ERCC3: variants seen among roughly 807,000 people sequenced by gnomAD.
The protein encoded by ERCC3 is general transcription and DNA repair factor IIH helicase/translocase subunit XPB.
ERCC3 carries 66 observed loss-of-function variants against 94.2 expected under a neutral mutation model. The observed-to-expected ratio is 0.70, with a 90% confidence interval of 0.57 to 0.86. The LOEUF is 0.86. Ranked by LOEUF, ERCC3 falls within the 40% of genes least tolerant of loss-of-function variation. The pLI is 0.00. For missense variants in ERCC3, 829 were observed against 987.1 expected (o/e 0.84, Z 2.15); for synonymous variants, 349 against 369.1 (o/e 0.95, Z 0.63).
In ERCC3 at chr2:127,274,467, C is replaced by T. The variant is rs547366624; in HGVS notation, c.1731-1506G>A. ...AGCAGGTGGAACCTGGGAGTGGCTG[C>T]TCCACTGCCGAGGCCCGTTAGCACC... On this transcript the variant is annotated intron_variant, in intron 10 of 14. Coordinates refer to ENST00000285398, the MANE Select transcript of ERCC3 (RefSeq NM_000122.2). The surrounding 1 kb of genome is among the most constrained non-coding windows in gnomAD (Gnocchi z 4.0). Among the ~76,000 whole-genome samples the T allele has an allele frequency of 1.3e-5, 2 of 152,356 alleles. No individual in the cohort carries two copies. Among genetic ancestry groups the T allele is most frequent in the South Asian group, 2.1e-4 (1 of 4,828 alleles).
intron 8 of ERCC3, among the ~76,000 whole-genome samples, chr2:127,286,059 G>A (rs1685055053): frequency 6.6e-6 from 1 of 152,054 alleles, no homozygotes; most frequent in Non-Finnish European, 1.5e-5. Context: ...AATATTCCGG[G>A]CTTCAAATAA....
rs1444108822 is a variant in ERCC3, at chr2:127,258,806, C to T, written c.2217+490G>A. Among the ~76,000 whole-genome samples, 2 of 152,220 alleles carry T rather than the reference C, an allele frequency of 1.3e-5. No individual in the cohort carries two copies. The highest frequency in any genetic ancestry group is 4.8e-5 in the African/African-American group (2 of 41,456). On this transcript the variant is annotated intron_variant, in intron 14 of 14. Transcript: ENST00000285398. This position sits in a 1 kb window ranked among gnomAD's most constrained non-coding sequence, Gnocchi z 4.1. ...GGTTGAGTATTTTCACAGAACTCTA[C>T]ATTTTTCAAAGTTAAGTATCGAAGC... is the stretch of plus-strand genomic sequence containing the variant.
chr2:127,270,790 C>G (rs753756441), intron 12 of ERCC3, among the ~76,000 whole-genome samples: 1 of 152,166 alleles, frequency 6.6e-6, no homozygotes, highest in Non-Finnish European at 1.5e-5. Flanking sequence ...AGGGGTGCCA[C>G]GCCTCCTCAG....
intron 10 of ERCC3, among the ~76,000 whole-genome samples, chr2:127,278,175 C>T (rs955849517): frequency 6.6e-6 from 1 of 151,202 alleles, no homozygotes; most frequent in Non-Finnish European, 1.5e-5. Context: ...GGGGTCAAGG[C>T]TGCCGTGAGC....
Position 127,280,424 on chromosome 2 carries a change from G to GC in ERCC3, c.1527+22dup, listed in dbSNP as rs35886552. 6.2e-7 allele frequency: 1 copy of GC among 1,600,638 alleles called. No individual in the cohort carries two copies. Among genetic ancestry groups the GC allele is most frequent in the Admixed American group, 1.7e-5 (1 of 58,352 alleles). On this transcript the variant is annotated intron_variant, in intron 9 of 14. Transcript: ENST00000285398. This position sits in a 1 kb window ranked among gnomAD's most constrained non-coding sequence, Gnocchi z 6.3. The stretch of plus-strand genomic sequence containing the variant: ...CATAGGAGGAGGCCCTTTCCCAGAC[G>GC]CCCCCAGCCCAGGCCCAGCTACCTC...
intron 13 of ERCC3, chr2:127,260,531 G>C (rs1684159579): frequency 6.6e-6 from 1 of 152,610 alleles, no homozygotes; most frequent in Admixed American, 6.5e-5. Flanking sequence ...AGACAACCCT[G>C]TCCTCCTAAG....
chr2:127,287,315 ATTG>A (rs1685108145), intron 7 of ERCC3, among the ~76,000 whole-genome samples: 1 of 152,104 alleles, frequency 6.6e-6, no homozygotes, highest in Admixed American at 6.5e-5. Flanking sequence ...AATGCCTGTT[ATTG>A]TTATTTTAAA....
intron 8 of ERCC3, among the ~76,000 whole-genome samples, chr2:127,285,773 C>T (rs1685045050): frequency 6.6e-6 from 1 of 151,924 alleles, no homozygotes; most frequent in Non-Finnish European, 1.5e-5. Context: ...ATCAGTTGAA[C>T]CCTAGAGGCG....
chr2:127,260,971 G>C (rs60696450), intron 13 of ERCC3: 1 of 491,424 alleles, frequency 2.0e-6, no homozygotes, highest in Non-Finnish European at 3.7e-6. Flanking sequence ...GCATCCCTGA[G>C]AAAGCAGCCC....
In ERCC3 at chr2:127,280,402, A is replaced by G; in HGVS notation, c.1527+45T>C. 1 of 1,554,888 alleles carries G rather than the reference A, an allele frequency of 6.4e-7. No individual in the cohort carries two copies. Among genetic ancestry groups the G allele is most frequent in the Non-Finnish European group, 8.8e-7 (1 of 1,137,524 alleles). ...TCGATCTGATCACTCCCCTGCCCAT[A>G]GGAGGAGGCCCTTTCCCAGACGCCC... On this transcript the variant is annotated intron_variant, in intron 9 of 14. Transcript: ENST00000285398. The surrounding 1 kb of genome is among the most constrained non-coding windows in gnomAD (Gnocchi z 6.3).
Position 127,291,541 on chromosome 2 carries a change from G to A in ERCC3, c.471+1069C>T. On this transcript the variant is annotated intron_variant, in intron 3 of 14. Coordinates refer to ENST00000285398, the MANE Select transcript of ERCC3 (RefSeq NM_000122.2). This position sits in a 1 kb window ranked among gnomAD's most constrained non-coding sequence, Gnocchi z 4.9. ...CACCCAAAGTGCTGGGATTACAGGA[G>A]TGAGCCACTGCACCTGGCCGGGCAC... Among the ~76,000 whole-genome samples the A allele has an allele frequency of 6.6e-6, 1 of 152,092 alleles. No individual in the cohort carries two copies. Among genetic ancestry groups the A allele is most frequent in the East Asian group, 1.9e-4 (1 of 5,170 alleles).
In ERCC3 at chr2:127,259,404, A is replaced by G. The variant is rs1023249904; in HGVS notation, c.2109T>C (p.Phe703=). 1.2e-6 allele frequency: 2 copies of G among 1,614,158 alleles called. No homozygotes were observed. Among genetic ancestry groups the G allele is most frequent in the Non-Finnish European group, 1.7e-6 (2 of 1,180,032 alleles). ...LAGMEEEDLA[F]STKEEQQQLL... is the part of the protein sequence containing the mutation. ...GCTGCTGTTGCTCTTCTTTTGTCGA[A>G]AACGCCAAGTCTTCCTCCTCCATGC... Residue 703 remains phenylalanine (F), a synonymous_variant, in exon 14 of 15, where the codon TTT becomes TTC. Transcript: ENST00000285398. This position sits in a 1 kb window ranked among gnomAD's most constrained non-coding sequence, Gnocchi z 4.9.
chr2:127,258,759 C>T lies in ERCC3; in HGVS notation c.2217+537G>A, dbSNP rs1684099647. Among the ~76,000 whole-genome samples, 1 of 152,216 alleles carries T rather than the reference C, an allele frequency of 6.6e-6. No homozygotes were observed. Among genetic ancestry groups the T allele is most frequent in the Non-Finnish European group, 1.5e-5 (1 of 68,044 alleles). On this transcript the variant is annotated intron_variant, in intron 14 of 14. Coordinates refer to ENST00000285398, the MANE Select transcript of ERCC3 (RefSeq NM_000122.2). The surrounding 1 kb of genome is among the most constrained non-coding windows in gnomAD (Gnocchi z 4.1). ...ATATATTTACTTGGCCTAGAGCAGG[C>T]ATATTTGTAGAATAAATGAAAGGTT...
In ERCC3 at chr2:127,261,411, A is replaced by G. The variant is rs1216555549; in HGVS notation, c.1946-65T>C. 7 of 1,032,192 alleles carry G rather than the reference A, an allele frequency of 6.8e-6. No homozygotes were observed. The Admixed American group carries it at 1.2e-4, about 17-fold the overall frequency. 63.9% of individuals were successfully genotyped at this position (1,032,192 alleles called of 1,614,324 possible). On this transcript the variant is annotated intron_variant, in intron 12 of 14. Transcript: ENST00000285398. ...ATTAGCCATTAGAATGCCAAGAGCT[A>G]AGGGTCCCAGGCTCAAAAGCAAGCA...
Position 127,259,509 on chromosome 2 carries a change from C to T in ERCC3, c.2065-61G>A, listed in dbSNP as rs1271170873. ...GCTCTCTCTCCCCAGCCCTCCTCTG[C>T]CTTCTCCTGGGTCCACCTGCTTTGG... On this transcript the variant is annotated intron_variant, in intron 13 of 14. Coordinates refer to ENST00000285398, the MANE Select transcript of ERCC3 (RefSeq NM_000122.2). The surrounding 1 kb of genome is among the most constrained non-coding windows in gnomAD (Gnocchi z 4.9). 1.2e-6 allele frequency: 2 copies of T among 1,608,032 alleles called. No individual in the cohort carries two copies. The highest frequency in any genetic ancestry group is 1.3e-5 in the African/African-American group (1 of 74,902).
chr2:127,282,993 A>C (rs1684963406), intron 8 of ERCC3, among the ~76,000 whole-genome samples: 1 of 152,064 alleles, frequency 6.6e-6, no homozygotes, highest in South Asian at 2.1e-4. Flanking sequence ...GCTTCCAACC[A>C]AACTGCTACA....
intron 3 of ERCC3, chr2:127,292,053 T>A: frequency 5.3e-6 from 1 of 187,828 alleles, no homozygotes; most frequent in Admixed American, 5.3e-5. Context: ...AAGGCTCTTG[T>A]CTATGGACCA....
rs572759378 is a variant in ERCC3 at position 127,264,975 on chromosome 2, G to A, written c.1946-3629C>T. ...CAATTCTCCTGCCTCAGCCTTCCAC[G>A]TGGATGGAATTACAGGCACACGCCA... is the stretch of plus-strand genomic sequence containing the variant. On this transcript the variant is annotated intron_variant, in intron 12 of 14. Coordinates refer to ENST00000285398, the MANE Select transcript of ERCC3 (RefSeq NM_000122.2). The surrounding 1 kb of genome is among the most constrained non-coding windows in gnomAD (Gnocchi z 4.4). 2.9e-4 allele frequency among the ~76,000 whole-genome samples: 44 copies of A among 151,594 alleles called. No homozygotes were observed. Among genetic ancestry groups the A allele is most frequent in the Non-Finnish European group, 4.9e-4 (33 of 67,914 alleles).
rs1243050277 is a variant in ERCC3 at position 127,257,630 on chromosome 2, T to C, written c.2315A>G (p.His772Arg). 1.2e-6 allele frequency: 2 copies of C among 1,614,126 alleles called. No homozygotes were observed. The highest frequency in any genetic ancestry group is 1.7e-5 in the Admixed American group (1 of 60,002). Residue 772 changes from histidine (H) to arginine (R), a missense_variant, in exon 15 of 15, where the codon CAT becomes CGT. By Grantham distance (29) the His-to-Arg change is conservative (BLOSUM62 0). Transcript: ENST00000285398. The surrounding 1 kb of genome is among the most constrained non-coding windows in gnomAD (Gnocchi z 5.4). ...HSSRSKAPSK[H>R]VHPLFKRFRK ...AAAGCGCTTGAAGAGCGGGTGTACATGTTTGCTGGGCGCCTTGCTCCGCGA... is the reference window on the plus strand; with the variant it reads ...AAAGCGCTTGAAGAGCGGGTGTACACGTTTGCTGGGCGCCTTGCTCCGCGA...
Sources: allele counts gnomAD v4.1 joint callset (sites outside exome capture counted in the v4.1 genomes callset), GRCh38; gene constraint gnomAD v4.1.1; non-coding constraint Gnocchi (gnomAD v3.1); transcripts MANE v1.5; gene names NCBI Gene and HGNC (gene_info 2026-07-23, HGNC 2026-07-21).